The following CCDC138 variants were observed in gnomAD, a reference collection of about 807,000 sequenced individuals.
CCDC138 encodes coiled-coil domain-containing protein 138.
Under a neutral mutation model 82.3 loss-of-function variants are expected in CCDC138, and 66 were observed. The ratio of observed to expected loss-of-function variants is 0.80; its 90% CI spans 0.66 to 0.98. CCDC138 has a LOEUF of 0.98. Among genes scored for constraint, CCDC138 ranks in the 50% least tolerant of loss-of-function variants. CCDC138 has a pLI of 0.00. For synonymous variants in CCDC138, 297 were observed against 265.4 expected (o/e 1.12, Z -1.16); for missense variants, 816 against 758.9 (o/e 1.08, Z -0.88).
At position 108,853,742 on chromosome 2, in the gene CCDC138, T is replaced by TC. The variant is rs34208217; in HGVS notation, c.1517-3051dup. 1.2e-4 allele frequency among the ~76,000 whole-genome samples: 18 copies of TC among 147,424 alleles called. No individual in the cohort carries two copies. The South Asian group carries it at 1.9e-3, about 15-fold the overall frequency. ...GCTCTTGCCATGTTGCCCAAGCTGGTCTCAAACTCCTGGGCTGAAGCTGTC... is the reference window on the plus strand; with the variant it reads ...GCTCTTGCCATGTTGCCCAAGCTGGTCCTCAAACTCCTGGGCTGAAGCTGTC... On this transcript the variant is annotated intron_variant, in intron 12 of 14. Transcript: ENST00000295124.
chr2:108,804,264 A>G (rs1682473451), intron 6 of CCDC138, among the ~76,000 whole-genome samples: 1 of 152,228 alleles, frequency 6.6e-6, no homozygotes, highest in South Asian at 2.1e-4. Context: ...TTCACATTTA[A>G]AATCTAAAAC....
intron 13 of CCDC138, among the ~76,000 whole-genome samples, chr2:108,868,482 G>C (rs568809815): frequency 1.3e-5 from 2 of 152,304 alleles, no homozygotes; most frequent in African/African-American, 4.8e-5. Context: ...GAGACTGTGG[G>C]TTGGCTCCCC....
chr2:108,791,670 T>A lies in CCDC138; in HGVS notation c.267-5T>A. 1 of 1,602,418 alleles carries A rather than the reference T, an allele frequency of 6.2e-7. No individual in the cohort carries two copies. Among genetic ancestry groups the A allele is most frequent in the South Asian group, 1.1e-5 (1 of 88,956 alleles). ...GATTGCTGTGATACAATTATTTTTT[T>A]AAAGCCTAGATGATGAACTGGATTC... On this transcript the variant is annotated splice_region_variant and splice_polypyrimidine_tract_variant and intron_variant, in intron 3 of 14. Transcript: ENST00000295124.
intron 3 of CCDC138, among the ~76,000 whole-genome samples, chr2:108,789,470 T>C (rs1679541651): frequency 6.6e-6 from 1 of 152,178 alleles, no homozygotes; most frequent in South Asian, 2.1e-4. Flanking sequence ...GGTGTGCGTC[T>C]GGAATCTCAG....
intron 14 of CCDC138, among the ~76,000 whole-genome samples, chr2:108,875,336 A>T (rs1212431073): frequency 8.0e-6 from 1 of 124,604 alleles, no homozygotes; most frequent in Non-Finnish European, 1.6e-5. Flanking sequence ...AAAAAAAAAA[A>T]GAAACAAATT....
At chr2:108,852,516 GAT>G (rs1437830925) in intron 12 of CCDC138, among the ~76,000 whole-genome samples, 3 of 152,122 alleles carry the variant, frequency 2.0e-5, no homozygotes, top group Non-Finnish European at 4.4e-5. Flanking sequence ...GCCCATCGAA[GAT>G]AACCTGGATA....
intron 14 of CCDC138, 94 bp downstream of exon 14, chr2:108,873,683 A>G (rs1695611442): frequency 1.2e-6 from 1 of 812,202 alleles, no homozygotes; most frequent in Admixed American, 2.8e-5. Context: ...TCCCTGGGCC[A>G]CACTGGATGA....
At chr2:108,847,964 C>T (rs1041434961) in intron 12 of CCDC138, among the ~76,000 whole-genome samples, 1 of 151,988 alleles carries the variant, frequency 6.6e-6, no homozygotes, top group African/African-American at 2.4e-5. Context: ...AAATAAAGTT[C>T]GCCACAGACC....
At chr2:108,875,691 C>T (rs981859984) in intron 14 of CCDC138, among the ~76,000 whole-genome samples, 8 of 152,008 alleles carry the variant, frequency 5.3e-5, no homozygotes, top group African/African-American at 1.9e-4. Flanking sequence ...CACCCTGTCT[C>T]TACAAAAAAT....
rs2149541942 is a variant in CCDC138, at chr2:108,798,435, C to T, written c.584C>T (p.Thr195Ile). The T allele has an allele frequency of 6.2e-7, 1 of 1,612,234 alleles. No homozygotes were observed. Among genetic ancestry groups the T allele is most frequent in the Non-Finnish European group, 8.5e-7 (1 of 1,179,334 alleles). The change falls in exon 6 of 15, where the codon ACT becomes ATT. Residue 195 changes from threonine to isoleucine, a missense_variant. Physicochemically the swap from Thr to Ile is moderately conservative, Grantham distance 89. Transcript: ENST00000295124. Reference protein sequence around the residue: ...FQIHLKLQCETAAQQKFAEEL... With the variant: ...FQIHLKLQCEIAAQQKFAEEL... The stretch of plus-strand genomic sequence containing the variant: ...TCTGGCATTTTGATACAGTGTGAAA[C>T]TGCAGCACAACAGAAATTTGCTGAA...
At chr2:108,793,699 C>T (rs1680340410) in intron 4 of CCDC138, among the ~76,000 whole-genome samples, 1 of 151,818 alleles carries the variant, frequency 6.6e-6, no homozygotes, top group African/African-American at 2.4e-5. Context: ...CGGATTCACG[C>T]CACTCTCCTG....
In CCDC138 at chr2:108,816,088, CAGG is replaced by C; in HGVS notation, c.1192_1194del (p.Glu398del). ...ATTTGCTTCCCAGAGAAATGATATTCAGGAGAAGTGTGTAAAGGTTTGTTTTTT... is the reference window on the plus strand; with the variant it reads ...ATTTGCTTCCCAGAGAAATGATATTCAGAAGTGTGTAAAGGTTTGTTTTTT... On this transcript the variant is annotated inframe_deletion, in exon 10 of 15. Coordinates refer to ENST00000295124, the MANE Select transcript of CCDC138 (RefSeq NM_144978.3). 1 of 1,609,768 alleles carries C rather than the reference CAGG, an allele frequency of 6.2e-7. No homozygotes were observed. Among genetic ancestry groups the C allele is most frequent in the Non-Finnish European group, 8.5e-7 (1 of 1,177,348 alleles).
At chr2:108,818,149 T>C (rs1475467382) in intron 10 of CCDC138, among the ~76,000 whole-genome samples, 1 of 152,018 alleles carries the variant, frequency 6.6e-6, no homozygotes, top group Non-Finnish European at 1.5e-5. Flanking sequence ...CTACAAAAAA[T>C]ACAAAAGTTA....
intron 2 of CCDC138, chr2:108,884,693 C>T (rs1375007163): frequency 1.3e-4 from 20 of 152,274 alleles, no homozygotes; most frequent in Non-Finnish European, 8.8e-5. Flanking sequence ...GGCAGGTCCC[C>T]TTTTCGAGAT....
intron 4 of CCDC138, among the ~76,000 whole-genome samples, chr2:108,793,387 C>CT (rs769905204): frequency 6.6e-5 from 10 of 151,830 alleles, no homozygotes; most frequent in Non-Finnish European, 1.2e-4. Flanking sequence ...ATTTTATACT[C>CT]TAATTGTTAA....
At chr2:108,808,415 G>A (rs533442810) in intron 7 of CCDC138, among the ~76,000 whole-genome samples, 24 of 152,034 alleles carry the variant, frequency 1.6e-4, no homozygotes, top group African/African-American at 4.8e-4. Flanking sequence ...TTGTGTTTTC[G>A]TTTTTTTGGG....
intron 9 of CCDC138, among the ~76,000 whole-genome samples, chr2:108,814,726 T>A (rs1236137989): frequency 4.6e-5 from 7 of 151,384 alleles, no homozygotes; most frequent in Non-Finnish European, 1.0e-4. Context: ...TGGAGTGCAG[T>A]GGTGCAACCT....
downstream of CCDC138, among the ~76,000 whole-genome samples, chr2:108,881,314 C>T (rs1696285186): frequency 6.6e-6 from 1 of 152,234 alleles, no homozygotes; most frequent in Non-Finnish European, 1.5e-5. Flanking sequence ...ACCTTTCCTT[C>T]TGCAGCTTCC....
At chr2:108,866,797 T>A (rs1347643279) in intron 13 of CCDC138, among the ~76,000 whole-genome samples, 1 of 151,854 alleles carries the variant, frequency 6.6e-6, no homozygotes, top group East Asian at 1.9e-4. Context: ...GCAGGAGAAT[T>A]GCTTGAACCC....
Sources: gnomAD v4.1 joint callset for allele counts (sites outside exome capture counted in the v4.1 genomes callset) on GRCh38, gnomAD v4.1.1 for gene constraint, MANE v1.5 for transcripts, NCBI Gene and HGNC (gene_info 2026-07-23, HGNC 2026-07-21) for gene names.